The following CORO7 variants were observed in gnomAD, a reference collection of about 807,000 sequenced individuals.
The protein encoded by CORO7 is coronin 7.
In CORO7, 107 loss-of-function variants were observed where a neutral mutation model predicts 126.6. The observed-to-expected ratio is 0.85, with a 90% CI of 0.72 to 0.99. The LOEUF is 0.99. CORO7 is among the 50% of genes least tolerant of loss of function. The pLI is 0.00. For missense variants in CORO7, 1,314 were observed against 1,255.8 expected (o/e 1.05, Z -0.70); for synonymous variants, 603 against 536.8 (o/e 1.12, Z -1.70).
intron 6 of CORO7, chr16:4,397,243 G>T (rs2055629189): frequency 6.6e-6 from 1 of 151,400 alleles, no homozygotes. Flanking sequence ...AGGAGTTCGA[G>T]ACCAGTCTGG....
chr16:4,411,699 G>A (rs2056216538), intron 3 of CORO7, among the ~76,000 whole-genome samples: 2 of 151,930 alleles, frequency 1.3e-5, no homozygotes, highest in Non-Finnish European at 2.9e-5. Flanking sequence ...TGAGGACCAG[G>A]CATCAACTGC....
chr16:4,401,783 C>T (rs2055817239), intron 6 of CORO7, among the ~76,000 whole-genome samples: 1 of 152,208 alleles, frequency 6.6e-6, no homozygotes, highest in African/African-American at 2.4e-5. Context: ...GACACGACAT[C>T]CAGCAGTCAG....
chr16:4,371,024 C>T (rs960043838), intron 9 of CORO7, among the ~76,000 whole-genome samples: 1 of 152,228 alleles, frequency 6.6e-6, no homozygotes, highest in Non-Finnish European at 1.5e-5. Flanking sequence ...CTGGACTAGT[C>T]CGGCCCCTGG....
chr16:4,375,901 G>T (rs1020091478), intron 9 of CORO7, among the ~76,000 whole-genome samples: 1 of 152,216 alleles, frequency 6.6e-6, no homozygotes, highest in African/African-American at 2.4e-5. Flanking sequence ...GGCGTCACAG[G>T]TGGGAGACGG....
chr16:4,377,214 C>T lies in CORO7; in HGVS notation c.785+10772G>A, dbSNP rs552988772. Among the ~76,000 whole-genome samples, 134 of 152,274 alleles carry T rather than the reference C, an allele frequency of 8.8e-4. 1 individual carries two copies. Among genetic ancestry groups the T allele is most frequent in the African/African-American group, 3.1e-3 (128 of 41,552 alleles). Reference sequence around the variant, plus strand: ...GCCCCAGACCCTTGCGTCATCTTCCCACCCCCCGACGTCCCCGAATCCCAG... The same window carrying T: ...GCCCCAGACCCTTGCGTCATCTTCCTACCCCCCGACGTCCCCGAATCCCAG... On this transcript the variant is annotated intron_variant, in intron 9 of 27. Transcript: ENST00000251166.
intron 1 of CORO7, among the ~76,000 whole-genome samples, chr16:4,413,946 G>A (rs2056310568): frequency 6.6e-6 from 1 of 151,840 alleles, no homozygotes; most frequent in African/African-American, 2.4e-5. Flanking sequence ...AGCACTTTGG[G>A]AGGCTGAGGC....
intron 9 of CORO7, among the ~76,000 whole-genome samples, chr16:4,366,845 G>A (rs972586135): frequency 6.6e-6 from 1 of 152,104 alleles, no homozygotes; most frequent in African/African-American, 2.4e-5. Context: ...ACTTGGTCTT[G>A]GTTTCTTGTT....
chr16:4,364,639 AGGCACACAGCC>A lies in CORO7; in HGVS notation c.1084_1094del (p.Gly362CysfsTer6). ...CCCACCAGCTATGGGGGTCGGTGGCAGGCACACAGCCGGCAGTGTCCGGGAACAGGTCCTCG... is the reference window on the plus strand; with the variant it reads ...CCCACCAGCTATGGGGGTCGGTGGCAGGCAGTGTCCGGGAACAGGTCCTCG... On this transcript the variant is annotated frameshift_variant, in exon 13 of 28. Transcript: ENST00000251166. LOFTEE classifies it high-confidence loss of function. The A allele has an allele frequency of 6.3e-7, 1 of 1,576,830 alleles. No homozygotes were observed. Among genetic ancestry groups the A allele is most frequent in the Non-Finnish European group, 8.6e-7 (1 of 1,162,152 alleles).
intron 21 of CORO7, 22 bp downstream of exon 21, chr16:4,360,256 A>T (rs1458800360): frequency 3.7e-6 from 6 of 1,613,084 alleles, no homozygotes; most frequent in Non-Finnish European, 5.1e-6. Flanking sequence ...AAGCCTGGGG[A>T]TGGGGATGCC....
At chr16:4,408,829 G>A (rs552366988) in intron 3 of CORO7, among the ~76,000 whole-genome samples, 2 of 152,158 alleles carry the variant, frequency 1.3e-5, no homozygotes, top group Non-Finnish European at 2.9e-5. Flanking sequence ...TGGGTGTGGT[G>A]GCGGGCGCCT....
At position 4,382,219 on chromosome 16, in the gene CORO7, G is replaced by A. The variant is rs772171203; in HGVS notation, c.785+5767C>T. Reference sequence around the variant, plus strand: ...GTACTGTGAGAGCCAGATGGGGCAGGGGACACGGCCCAGCCCTACACCAGT... The same window carrying A: ...GTACTGTGAGAGCCAGATGGGGCAGAGGACACGGCCCAGCCCTACACCAGT... On this transcript the variant is annotated intron_variant, in intron 9 of 27. Transcript: ENST00000251166. The A allele has an allele frequency of 1.6e-5, 26 of 1,604,930 alleles. 1 individual carries two copies. The South Asian group carries it at 2.3e-4, about 14-fold the overall frequency.
chr16:4,397,917 TTTTG>T (rs1357404526), intron 6 of CORO7, among the ~76,000 whole-genome samples: 9 of 144,560 alleles, frequency 6.2e-5, no homozygotes, highest in South Asian at 2.2e-4. Context: ...GCCTAGCCTT[TTTTG>T]TTTGTTTGTT....
At chr16:4,408,515 C>T (rs1488789011) in intron 3 of CORO7, among the ~76,000 whole-genome samples, 1 of 152,226 alleles carries the variant, frequency 6.6e-6, no homozygotes, top group East Asian at 1.9e-4. Context: ...CTTGAGTCAC[C>T]AGGCACCTGC....
At position 4,388,070 on chromosome 16, in the gene CORO7, T is replaced by C; in HGVS notation, c.703-2A>G. On this transcript the variant is annotated splice_acceptor_variant, in intron 8 of 27. Transcript: ENST00000251166. LOFTEE classifies it high-confidence loss of function. ...CAGCTTCACTTCGCGCTCACGCATC[T>C]GCAGGGAGGGCGAGAGAGGGGCTCA... 1 of 1,611,602 alleles carries C rather than the reference T, an allele frequency of 6.2e-7. No homozygotes were observed. The highest frequency in any genetic ancestry group is 1.1e-5 in the South Asian group (1 of 90,754).
At position 4,407,736 on chromosome 16, in the gene CORO7, G is replaced by A. The variant is rs536616440; in HGVS notation, c.304-52C>T. 47 of 1,503,626 alleles carry A rather than the reference G, an allele frequency of 3.1e-5. 2 individuals carry two copies. In the South Asian group the frequency reaches 6.2e-4, roughly 20 times the overall value. The allele number at this position is 1,503,626 out of a possible 1,614,324, so 93.1% of individuals were successfully genotyped here. A position where few individuals can be genotyped will look rare whatever the true frequency, so the allele number is the denominator to read the frequency against. ...ACAGGGCTGAGGGCCTCACTGCCTTGAGTCAGCTGCCGTGACCCCAGTGAG... is the reference window on the plus strand; with the variant it reads ...ACAGGGCTGAGGGCCTCACTGCCTTAAGTCAGCTGCCGTGACCCCAGTGAG... On this transcript the variant is annotated intron_variant, in intron 4 of 27. Coordinates refer to ENST00000251166, the MANE Select transcript of CORO7 (RefSeq NM_024535.5).
At chr16:4,402,286 T>C (rs898905578) in intron 6 of CORO7, among the ~76,000 whole-genome samples, 1 of 151,584 alleles carries the variant, frequency 6.6e-6, no homozygotes, top group Non-Finnish European at 1.5e-5. Flanking sequence ...GAGAGGGTCT[T>C]GCTCCATCGC....
intron 3 of CORO7, 135 bp downstream of exon 3, chr16:4,412,219 TCA>T (rs1479898179): frequency 1.1e-6 from 1 of 914,606 alleles, no homozygotes; most frequent in Non-Finnish European, 1.7e-6. Flanking sequence ...CCACTGTCTC[TCA>T]GAGAGTGCAC....
intron 1 of CORO7, among the ~76,000 whole-genome samples, chr16:4,416,197 G>T (rs1312333375): frequency 1.3e-5 from 2 of 152,164 alleles, no homozygotes; most frequent in Non-Finnish European, 1.5e-5. Flanking sequence ...CGCCTCGGGG[G>T]TCCCGGGGCG....
chr16:4,365,635 A>G (rs1257173220), intron 9 of CORO7, 90 bp from the exon 10 acceptor site: 2 of 1,502,298 alleles, frequency 1.3e-6, no homozygotes, highest in South Asian at 1.2e-5. Flanking sequence ...CAGGCACCAC[A>G]GTGACTGGGA....
Sources: allele counts gnomAD v4.1 joint callset (sites outside exome capture counted in the v4.1 genomes callset), GRCh38; gene constraint gnomAD v4.1.1; transcripts MANE v1.5; gene names NCBI Gene and HGNC (gene_info 2026-07-23, HGNC 2026-07-21).